MAP2: variants seen among roughly 807,000 people sequenced by gnomAD.
MAP2 encodes the protein microtubule-associated protein 2.
Under a neutral mutation model 137.6 loss-of-function variants are expected in MAP2, and 14 were observed. The ratio of observed to expected loss-of-function variants is 0.10; its 90% CI spans 0.07 to 0.16. The LOEUF (loss-of-function observed/expected upper bound fraction) is 0.16. Ranked by LOEUF, MAP2 falls within the 10% of genes least tolerant of loss-of-function variation. MAP2 has a pLI of 1.00. For synonymous variants in MAP2, 786 were observed against 782.3 expected (o/e 1.00, Z -0.08); for missense variants, 2,088 against 2,191.5 (o/e 0.95, Z 0.94).
intron 3 of MAP2, among the ~76,000 whole-genome samples, chr2:209,622,339 G>T (rs903413624): frequency 6.6e-6 from 1 of 152,176 alleles, no homozygotes; most frequent in African/African-American, 2.4e-5. Flanking sequence ...AGCCAGAGTT[G>T]AAGACCTAAA....
At chr2:209,592,990 A>G (rs1031021067) in intron 3 of MAP2, among the ~76,000 whole-genome samples, 17 of 152,016 alleles carry the variant, frequency 1.1e-4, no homozygotes, top group African/African-American at 3.6e-4. Flanking sequence ...CTTTTTGTCA[A>G]CTGAATCATC....
At chr2:209,618,554 G>A (rs556533872) in intron 3 of MAP2, among the ~76,000 whole-genome samples, 1 of 152,002 alleles carries the variant, frequency 6.6e-6, no homozygotes, top group African/African-American at 2.4e-5. Flanking sequence ...ATGAACCTGG[G>A]TACCTGCATT....
At chr2:209,715,849 A>T (rs1584418776) in intron 13 of MAP2, among the ~76,000 whole-genome samples, 1 of 152,190 alleles carries the variant, frequency 6.6e-6, no homozygotes, top group Non-Finnish European at 1.5e-5. Flanking sequence ...TTATTACATT[A>T]TTATTTTTAG....
chr2:209,424,521 A>AT (rs1473672309), intron 1 of MAP2, among the ~76,000 whole-genome samples: 1 of 152,234 alleles, frequency 6.6e-6, no homozygotes, highest in Non-Finnish European at 1.5e-5. Flanking sequence ...GGCTTCGTAG[A>AT]AGAGCGAGTG....
intron 1 of MAP2, among the ~76,000 whole-genome samples, chr2:209,450,522 CTT>C (rs1270446419): frequency 1.3e-5 from 2 of 152,316 alleles, no homozygotes; most frequent in Non-Finnish European, 2.9e-5. Flanking sequence ...ACTTCCTACA[CTT>C]CAGTATAAAT....
At chr2:209,502,550 G>A (rs977604455) in intron 1 of MAP2, among the ~76,000 whole-genome samples, 1 of 152,174 alleles carries the variant, frequency 6.6e-6, no homozygotes, top group Non-Finnish European at 1.5e-5. Flanking sequence ...AATGAACACA[G>A]GAGTGCAGAT....
At chr2:209,500,758 A>G (rs952535134) in intron 1 of MAP2, among the ~76,000 whole-genome samples, 1 of 152,148 alleles carries the variant, frequency 6.6e-6, no homozygotes, top group Non-Finnish European at 1.5e-5. Flanking sequence ...AAAAAACCCT[A>G]CCCAGTTGGG....
intron 3 of MAP2, among the ~76,000 whole-genome samples, chr2:209,588,340 T>C (rs200437715): frequency 6.6e-6 from 1 of 152,336 alleles, no homozygotes; most frequent in East Asian, 1.9e-4. Context: ...TGTTTTGTTC[T>C]GCAGGTTCCA....
intron 3 of MAP2, among the ~76,000 whole-genome samples, chr2:209,603,477 G>A (rs981679756): frequency 2.6e-5 from 4 of 152,080 alleles, no homozygotes; most frequent in Non-Finnish European, 5.9e-5. Context: ...TGCCCCCAGT[G>A]ATGTTCCATT....
intron 1 of MAP2, among the ~76,000 whole-genome samples, chr2:209,446,509 A>C (rs1297230033): frequency 6.6e-6 from 1 of 151,888 alleles, no homozygotes; most frequent in African/African-American, 2.4e-5. Flanking sequence ...ACTAAAAATG[A>C]AACAGACTGT....
chr2:209,704,326 A>G (rs1325038895), intron 11 of MAP2: 2 of 746,118 alleles, frequency 2.7e-6, no homozygotes, highest in South Asian at 2.3e-5. Flanking sequence ...GATTATAACC[A>G]TTTATCATGT....
intron 1 of MAP2, among the ~76,000 whole-genome samples, chr2:209,470,506 A>AT (rs1336564966): frequency 6.6e-6 from 1 of 150,540 alleles, no homozygotes; most frequent in East Asian, 1.9e-4. Flanking sequence ...ATAATTAAAT[A>AT]TTTTTTCTAC....
At chr2:209,593,906 G>A (rs12615261) in intron 3 of MAP2, among the ~76,000 whole-genome samples, 6 of 117,262 alleles carry the variant, frequency 5.1e-5, no homozygotes, top group Non-Finnish European at 9.9e-5. Context: ...AAATATATAA[G>A]TATATATTTA....
chr2:209,724,228 G>C (rs2072855409), intron 13 of MAP2, among the ~76,000 whole-genome samples: 1 of 152,228 alleles, frequency 6.6e-6, no homozygotes, highest in African/African-American at 2.4e-5. Context: ...AAGGATTCAA[G>C]TCCAGTGTAC....
chr2:209,566,306 G>A (rs1028862704), intron 2 of MAP2, among the ~76,000 whole-genome samples: 13 of 152,158 alleles, frequency 8.5e-5, no homozygotes, highest in Admixed American at 7.9e-4. Flanking sequence ...GAATATTGAC[G>A]CTGTTCAGGA....
chr2:209,644,483 GC>G (rs1246596467), intron 4 of MAP2, among the ~76,000 whole-genome samples: 1 of 151,936 alleles, frequency 6.6e-6, no homozygotes, highest in African/African-American at 2.4e-5. Context: ...AACCCAATTT[GC>G]TATATAGTGT....
At chr2:209,435,946 ACT>A (rs796656689) in intron 1 of MAP2, among the ~76,000 whole-genome samples, 2 of 60,422 alleles carry the variant, frequency 3.3e-5, no homozygotes, top group East Asian at 2.0e-3. Flanking sequence ...TATAATATAT[ACT>A]ATATATACAG....
intron 13 of MAP2, 51 bp from the exon 14 acceptor site, chr2:209,725,658 T>A: frequency 7.9e-7 from 1 of 1,266,664 alleles, no homozygotes; most frequent in Non-Finnish European, 1.1e-6. Flanking sequence ...TGAGCTTGGG[T>A]TTTTGTCCAT....
chr2:209,480,783 C>T (rs990617571), intron 1 of MAP2, among the ~76,000 whole-genome samples: 17 of 152,044 alleles, frequency 1.1e-4, no homozygotes, highest in Non-Finnish European at 1.8e-4. Context: ...GTCCAGAAGT[C>T]CTGTTGGTAT....
Sources: gnomAD v4.1 joint callset for allele counts (sites outside exome capture counted in the v4.1 genomes callset) on GRCh38, gnomAD v4.1.1 for gene constraint, MANE v1.5 for transcripts, NCBI Gene and HGNC (gene_info 2026-07-23, HGNC 2026-07-21) for gene names.